Variants in SLC39A12 observed in about 807,000 individuals in gnomAD.
The protein encoded by SLC39A12 is solute carrier family 39 member 12.
In SLC39A12, 63 loss-of-function variants were observed where a neutral mutation model predicts 71.1. The ratio of observed to expected loss-of-function variants is 0.89; its 90% CI spans 0.72 to 1.09. The LOEUF is 1.09. SLC39A12 is among the 50% of genes least tolerant of loss of function. The pLI is 0.00. For missense variants in SLC39A12, 892 were observed against 812.6 expected, an observed-to-expected ratio of 1.10 and a Z score of -1.19; for synonymous variants, 351 against 301.3, an observed-to-expected ratio of 1.16 and a Z score of -1.71.
intron 12 of SLC39A12, among the ~76,000 whole-genome samples, chr10:18,023,495 C>G (rs1051568454): frequency 6.6e-6 from 1 of 152,120 alleles, no homozygotes; most frequent in Non-Finnish European, 1.5e-5. Context: ...GAGGGGCTGT[C>G]AGTTTCCTCT....
At chr10:17,952,763 T>C (rs917057642) in intron 1 of SLC39A12, among the ~76,000 whole-genome samples, 1 of 152,160 alleles carries the variant, frequency 6.6e-6, no homozygotes, top group East Asian at 1.9e-4. Flanking sequence ...CTGGGATTAC[T>C]GGTGTGAGCT....
intron 12 of SLC39A12, among the ~76,000 whole-genome samples, chr10:18,030,745 C>G (rs1836823302): frequency 6.7e-6 from 1 of 148,982 alleles, no homozygotes; most frequent in Non-Finnish European, 1.5e-5. Context: ...CACCCACTAA[C>G]TCGTCATCTA....
chr10:18,025,246 AT>A (rs1314132776), intron 12 of SLC39A12, among the ~76,000 whole-genome samples: 11 of 137,914 alleles, frequency 8.0e-5, no homozygotes, highest in African/African-American at 2.5e-4. Context: ...ATTTTTTTTT[AT>A]TATACTTTAA....
Position 17,993,296 on chromosome 10 carries a change from G to C in SLC39A12, c.1533+5G>C. 1 of 1,534,184 alleles carries C rather than the reference G, an allele frequency of 6.5e-7. No individual in the cohort carries two copies. ...TCTGCTTCAACTATCCAGTTGGTAG[G>C]TTCCTGATCTGAAGCATTCTACTGA... On this transcript the variant is annotated splice_donor_5th_base_variant and intron_variant, in intron 9 of 12. Transcript: ENST00000377369.
In SLC39A12 at chr10:18,013,309, A is replaced by G. The variant is rs138332309; in HGVS notation, c.1947+9951A>G. ...TTTGGGTCTGATCCATTTTAAGTTA[A>G]TTTTTATATATGGTATTAGGTAAAC... On this transcript the variant is annotated intron_variant, in intron 12 of 12. Coordinates refer to ENST00000377369, the MANE Select transcript of SLC39A12 (RefSeq NM_001145195.2). Among the ~76,000 whole-genome samples the G allele has an allele frequency of 6.7e-5, 10 of 150,052 alleles. No homozygotes were observed. In the East Asian group the frequency reaches 1.6e-3, roughly 23 times the overall value.
chr10:18,042,590 G>T (rs1452957148), intron 12 of SLC39A12, 115 bp from the exon 13 acceptor site: 1 of 1,007,374 alleles, frequency 9.9e-7, no homozygotes. Flanking sequence ...TAACTGTTTT[G>T]GGAATTTTAA....
intron 3 of SLC39A12, among the ~76,000 whole-genome samples, chr10:17,963,629 T>C (rs1401478335): frequency 6.6e-6 from 1 of 152,208 alleles, no homozygotes; most frequent in Admixed American, 6.5e-5. Flanking sequence ...CTCATTCAAC[T>C]GGACTAGGAT....
At chr10:17,964,181 A>C (rs1834764400) in intron 3 of SLC39A12, among the ~76,000 whole-genome samples, 1 of 152,154 alleles carries the variant, frequency 6.6e-6, no homozygotes, top group Non-Finnish European at 1.5e-5. Context: ...TTATTGTTTC[A>C]CAGCCTGCAC....
At chr10:18,029,616 C>T (rs943907920) in intron 12 of SLC39A12, among the ~76,000 whole-genome samples, 1 of 152,098 alleles carries the variant, frequency 6.6e-6, no homozygotes, top group Non-Finnish European at 1.5e-5. Context: ...TTCTCTGTAC[C>T]TTTATGTCAT....
intron 2 of SLC39A12, among the ~76,000 whole-genome samples, chr10:17,955,535 T>C (rs1834518724): frequency 6.6e-6 from 1 of 152,198 alleles, no homozygotes; most frequent in South Asian, 2.1e-4. Flanking sequence ...TGGCCGAGTC[T>C]GTTCTGTCAT....
intron 4 of SLC39A12, among the ~76,000 whole-genome samples, chr10:17,974,328 C>T (rs1488894722): frequency 2.0e-5 from 3 of 152,054 alleles, no homozygotes; most frequent in Admixed American, 6.6e-5. Context: ...TGTAGATATT[C>T]GTTTGTGTCT....
At chr10:17,981,911 C>T (rs971088258) in intron 6 of SLC39A12, among the ~76,000 whole-genome samples, 2 of 152,144 alleles carry the variant, frequency 1.3e-5, no homozygotes, top group Admixed American at 6.5e-5. Context: ...AAAGAGAAGG[C>T]AATAGCATTG....
At chr10:17,960,368 G>C (rs1472267022) in intron 2 of SLC39A12, among the ~76,000 whole-genome samples, 5 of 152,134 alleles carry the variant, frequency 3.3e-5, no homozygotes, top group African/African-American at 4.8e-5. Flanking sequence ...TGTACCTGCT[G>C]TTTGTCAGTT....
chr10:18,006,415 T>G (rs1453448107), intron 12 of SLC39A12, among the ~76,000 whole-genome samples: 1 of 152,220 alleles, frequency 6.6e-6, no homozygotes, highest in Non-Finnish European at 1.5e-5. Context: ...AATGCCTCTC[T>G]GGGTGGCCAG....
intron 4 of SLC39A12, among the ~76,000 whole-genome samples, chr10:17,971,984 C>T (rs1205457652): frequency 6.6e-6 from 1 of 152,172 alleles, no homozygotes; most frequent in Non-Finnish European, 1.5e-5. Context: ...AAACTTTCCT[C>T]TTAGCACCAC....
chr10:18,008,657 G>C (rs1418781325), intron 12 of SLC39A12: 1 of 152,106 alleles, frequency 6.6e-6, no homozygotes, highest in African/African-American at 2.4e-5. Context: ...TTCTCCCCAG[G>C]AACAGGGATC....
At chr10:18,039,254 C>CT in intron 12 of SLC39A12, among the ~76,000 whole-genome samples, 1 of 152,192 alleles carries the variant, frequency 6.6e-6, no homozygotes, top group East Asian at 1.9e-4. Flanking sequence ...TACACAAGAT[C>CT]TTATTCCATA....
chr10:17,970,881 G>T (rs1444430956), intron 4 of SLC39A12, among the ~76,000 whole-genome samples: 2 of 152,068 alleles, frequency 1.3e-5, no homozygotes, highest in African/African-American at 4.8e-5. Flanking sequence ...TCATGTTCCA[G>T]ATCTGAGAGA....
chr10:18,004,530 AC>A (rs1835953168), intron 12 of SLC39A12: 1 of 152,110 alleles, frequency 6.6e-6, no homozygotes, highest in African/African-American at 2.4e-5. Context: ...CTCAGAGTAA[AC>A]CCTGCCATTT....
Sources: gnomAD v4.1 joint callset for allele counts (sites outside exome capture counted in the v4.1 genomes callset) on GRCh38, gnomAD v4.1.1 for gene constraint, MANE v1.5 for transcripts, NCBI Gene and HGNC (gene_info 2026-07-23, HGNC 2026-07-21) for gene names.